ZNF521: variants seen among roughly 807,000 people sequenced by gnomAD.
The protein encoded by ZNF521 is LYST-interacting protein 3.
ZNF521 carries 14 observed loss-of-function variants against 105.5 expected under a neutral mutation model. The observed-to-expected ratio is 0.13, with a 90% confidence interval of 0.09 to 0.21. The LOEUF (loss-of-function observed/expected upper bound fraction) is 0.21. ZNF521 is among the 10% of genes least tolerant of loss of function. The pLI, the probability that ZNF521 is intolerant of heterozygous loss-of-function variation, is 1.00. For missense variants in ZNF521, 1,233 were observed against 1,629.7 expected (o/e 0.76, Z 4.19); for synonymous variants, 635 against 606.0 (o/e 1.05, Z -0.70).
intron 3 of ZNF521, among the ~76,000 whole-genome samples, chr18:25,306,393 G>C (rs1217170297): frequency 1.3e-5 from 2 of 152,058 alleles, no homozygotes; most frequent in South Asian, 2.1e-4. Context: ...TTTCTTTTTT[G>C]GGGGGGAAAG....
intron 3 of ZNF521, among the ~76,000 whole-genome samples, chr18:25,238,774 A>G (rs539485664): frequency 2.0e-4 from 30 of 152,166 alleles, no homozygotes; most frequent in African/African-American, 6.3e-4. Context: ...TCTTAGTCTA[A>G]TCCACCAATC....
At chr18:25,097,034 C>T (rs772037517) in intron 5 of ZNF521, among the ~76,000 whole-genome samples, 4 of 152,160 alleles carry the variant, frequency 2.6e-5, no homozygotes, top group African/African-American at 9.7e-5. Context: ...CAACCTCCCA[C>T]CCTTTACTTT....
At chr18:25,237,860 G>A (rs1172906683) in intron 3 of ZNF521, among the ~76,000 whole-genome samples, 5 of 152,184 alleles carry the variant, frequency 3.3e-5, no homozygotes, top group African/African-American at 9.7e-5. Flanking sequence ...ATGAGTGAAT[G>A]TGATTGAAGC....
intron 3 of ZNF521, among the ~76,000 whole-genome samples, chr18:25,319,515 G>T (rs893643559): frequency 6.6e-6 from 1 of 151,504 alleles, no homozygotes; most frequent in African/African-American, 2.4e-5. Context: ...AGAATCGCTT[G>T]AACCCAGGAG....
intron 2 of ZNF521, among the ~76,000 whole-genome samples, chr18:25,349,308 G>A (rs957239617): frequency 2.6e-5 from 4 of 152,074 alleles, no homozygotes; most frequent in African/African-American, 4.8e-5. Flanking sequence ...GCGCACGCCC[G>A]TGGCGTTTCT....
chr18:25,208,334 AAATG>A (rs1398811921), intron 4 of ZNF521, among the ~76,000 whole-genome samples: 1 of 152,224 alleles, frequency 6.6e-6, no homozygotes, highest in African/African-American at 2.4e-5. Flanking sequence ...ATTGTTGAAT[AAATG>A]AATGAATGAA....
intron 3 of ZNF521, among the ~76,000 whole-genome samples, chr18:25,316,791 C>T (rs1376672054): frequency 6.6e-6 from 1 of 150,604 alleles, no homozygotes; most frequent in Non-Finnish European, 1.5e-5. Context: ...AACAGGAAAA[C>T]AAGACCCATC....
At chr18:25,318,727 T>C (rs1033555391) in intron 3 of ZNF521, among the ~76,000 whole-genome samples, 2 of 152,108 alleles carry the variant, frequency 1.3e-5, no homozygotes, top group Non-Finnish European at 2.9e-5. Flanking sequence ...ATGGTTTTTA[T>C]TGGATAGAGA....
intron 7 of ZNF521, among the ~76,000 whole-genome samples, chr18:25,068,905 T>G (rs2033144487): frequency 6.6e-6 from 1 of 152,214 alleles, no homozygotes; most frequent in Non-Finnish European, 1.5e-5. Context: ...GGATATAATG[T>G]AGGCTCCTAA....
intron 5 of ZNF521, among the ~76,000 whole-genome samples, chr18:25,161,533 C>A (rs1600105411): frequency 6.6e-6 from 1 of 152,240 alleles, no homozygotes; most frequent in South Asian, 2.1e-4. Context: ...TTCCTCAATT[C>A]TTCCCACTAG....
chr18:25,184,614 G>T (rs1460730592), intron 5 of ZNF521, among the ~76,000 whole-genome samples: 1 of 152,118 alleles, frequency 6.6e-6, no homozygotes, highest in Non-Finnish European at 1.5e-5. Flanking sequence ...ATGCTCTTTG[G>T]CCCACAATTG....
At chr18:25,139,029 C>A (rs1425016807) in intron 5 of ZNF521, among the ~76,000 whole-genome samples, 1 of 152,020 alleles carries the variant, frequency 6.6e-6, no homozygotes, top group Non-Finnish European at 1.5e-5. Flanking sequence ...AATCTATATG[C>A]CTGTTGGGTT....
At chr18:25,195,306 TA>T in intron 4 of ZNF521, 62 bp from the exon 5 acceptor site, 1 of 1,332,964 alleles carries the variant, frequency 7.5e-7, no homozygotes, top group Non-Finnish European at 1.0e-6. Flanking sequence ...TTTCTTTGTT[TA>T]AAAAACATTT....
chr18:25,229,421 T>C (rs796284612), intron 3 of ZNF521, among the ~76,000 whole-genome samples: 68 of 152,320 alleles, frequency 4.5e-4, no homozygotes, highest in African/African-American at 1.5e-3. Flanking sequence ...TATAGGACTC[T>C]ATAACCCAAC....
intron 7 of ZNF521, among the ~76,000 whole-genome samples, chr18:25,078,529 G>A (rs2033417766): frequency 6.6e-6 from 1 of 152,178 alleles, no homozygotes; most frequent in Non-Finnish European, 1.5e-5. Context: ...TTATGCGTGG[G>A]TGCTGCTGTC....
chr18:25,255,140 TTTC>T (rs1385954596), intron 3 of ZNF521, among the ~76,000 whole-genome samples: 1 of 152,268 alleles, frequency 6.6e-6, no homozygotes, highest in East Asian at 1.9e-4. Context: ...AGCATATGCT[TTTC>T]TTGTTTTCCA....
Position 25,092,044 on chromosome 18 carries a change from C to A in ZNF521, c.3696G>T (p.Gln1232His). The A allele has an allele frequency of 6.2e-7, 1 of 1,614,022 alleles. No individual in the cohort carries two copies. The highest frequency in any genetic ancestry group is 1.1e-5 in the South Asian group (1 of 91,064). ...GGAGTTTGGCAGGAGAGTCAAAGGT[C>A]TGGCTGCAGAGTTTGCATTCATGGT... ...GLNHECKLCS[Q>H]TFDSPAKLQC... is the part of the protein sequence containing the mutation. The change falls in exon 6 of 8, where the codon CAG (glutamine) becomes CAT (histidine). Residue 1232 changes from glutamine (Q) to histidine (H), a missense_variant. Around this residue, in one of 6 missense-constraint regions of ZNF521, gnomAD observed 76 missense variants for 137.2 expected, o/e 0.55. Coordinates refer to ENST00000361524, the MANE Select transcript of ZNF521 (RefSeq NM_015461.3).
intron 5 of ZNF521, among the ~76,000 whole-genome samples, chr18:25,139,497 T>TA (rs926652405): frequency 2.2e-4 from 33 of 151,572 alleles, no homozygotes; most frequent in African/African-American, 7.8e-4. Context: ...ATCCTGGTCT[T>TA]ACAGTCCACA....
chr18:25,276,859 T>C (rs569690458), intron 3 of ZNF521, among the ~76,000 whole-genome samples: 1 of 152,344 alleles, frequency 6.6e-6, no homozygotes, highest in South Asian at 2.1e-4. Flanking sequence ...GAAAGTTAAA[T>C]GAGTTTGGAT....
Sources: gnomAD v4.1 joint callset for allele counts (sites outside exome capture counted in the v4.1 genomes callset) on GRCh38, gnomAD v4.1.1 for gene constraint, gnomAD v4.1.1 regional missense constraint, MANE v1.5 for transcripts, NCBI Gene and HGNC (gene_info 2026-07-23, HGNC 2026-07-21) for gene names.